Variants in COBL observed in about 807,000 individuals in gnomAD.
COBL encodes cordon-bleu WH2 repeat protein.
Under a neutral mutation model 98.8 loss-of-function variants are expected in COBL, and 51 were observed. That is an observed-to-expected ratio of 0.52 (90% CI 0.41 to 0.65). The LOEUF is 0.65. Ranked by LOEUF, COBL falls within the 30% of genes least tolerant of loss-of-function variation. The pLI is 0.00. For missense variants in COBL, 1,617 were observed against 1,617.5 expected (o/e 1.00, Z 0.01); for synonymous variants, 634 against 651.7 (o/e 0.97, Z 0.41).
chr7:51,212,970 T>TA (rs2129079428), intron 2 of COBL, among the ~76,000 whole-genome samples: 1 of 152,352 alleles, frequency 6.6e-6, no homozygotes, highest in Non-Finnish European at 1.5e-5. Context: ...AGTAAATAGG[T>TA]AACTCAGTGC....
intron 1 of COBL, among the ~76,000 whole-genome samples, chr7:51,232,638 T>C (rs1007378767): frequency 7.9e-5 from 12 of 152,206 alleles, no homozygotes; most frequent in East Asian, 3.9e-4. Flanking sequence ...AGTGAAACCC[T>C]GCCTCTACTA....
intron 6 of COBL, among the ~76,000 whole-genome samples, chr7:51,089,870 C>T (rs1311507796): frequency 6.6e-6 from 1 of 151,944 alleles, no homozygotes; most frequent in African/African-American, 2.4e-5. Context: ...AAAATCAACC[C>T]TCTTAGCAGA....
intron 1 of COBL, among the ~76,000 whole-genome samples, chr7:51,304,889 G>C (rs1017497787): frequency 6.6e-6 from 1 of 152,168 alleles, no homozygotes; most frequent in Non-Finnish European, 1.5e-5. Context: ...AAGTGACAAA[G>C]CTTTCAGGGG....
intron 2 of COBL, among the ~76,000 whole-genome samples, chr7:51,208,326 C>T (rs1031710224): frequency 6.6e-6 from 1 of 151,816 alleles, no homozygotes; most frequent in Admixed American, 6.6e-5. Flanking sequence ...GCCACCCCGT[C>T]CAGGAGGGAG....
chr7:51,172,828 G>A (rs975982053), intron 5 of COBL, among the ~76,000 whole-genome samples: 2 of 150,110 alleles, frequency 1.3e-5, no homozygotes, highest in African/African-American at 2.5e-5. Context: ...TTGCTGTGTC[G>A]CCCGGGCTGG....
Position 51,029,141 on chromosome 7 carries a change from T to A in COBL, c.1955A>T (p.Tyr652Phe). 1 of 1,614,214 alleles carries A rather than the reference T, an allele frequency of 6.2e-7. No homozygotes were observed. Among genetic ancestry groups the A allele is most frequent in the African/African-American group, 1.3e-5 (1 of 75,054 alleles). The stretch of plus-strand genomic sequence containing the variant: ...AGTCCTCTCCCCGTCAGCACAGCCA[T>A]ACACTTTGTCTTTCACTTTTGCATT... The part of the protein sequence containing the change: ...NLNAKVKDKV[Y>F]GCADGERTQA... Residue 652 changes from tyrosine to phenylalanine, a missense_variant, in exon 10 of 13, where the codon TAT (tyrosine) becomes TTT (phenylalanine). Tyr to Phe is a conservative substitution (Grantham distance 22, BLOSUM62 3). Around this residue, in one of 3 missense-constraint regions of COBL, gnomAD observed 1,304 missense variants for 1,282.0 expected, o/e 1.02. Coordinates refer to ENST00000265136, the MANE Select transcript of COBL (RefSeq NM_015198.5).
chr7:51,163,331 T>A (rs549958411), intron 5 of COBL, among the ~76,000 whole-genome samples: 4 of 152,176 alleles, frequency 2.6e-5, no homozygotes, highest in Admixed American at 2.6e-4. Context: ...TAAGTAGATA[T>A]CAATAAATCT....
At chr7:51,119,023 C>T (rs1583856736) in intron 6 of COBL, among the ~76,000 whole-genome samples, 1 of 152,168 alleles carries the variant, frequency 6.6e-6, no homozygotes, top group Non-Finnish European at 1.5e-5. Flanking sequence ...ATCTTATTTT[C>T]TAATATACAA....
At chr7:51,271,831 G>A (rs1452355873) in intron 1 of COBL, among the ~76,000 whole-genome samples, 1 of 152,206 alleles carries the variant, frequency 6.6e-6, no homozygotes, top group African/African-American at 2.4e-5. Context: ...GGAGTTCTAA[G>A]ACCAGTTTGG....
At chr7:51,066,307 A>G (rs1433493872) in intron 7 of COBL, among the ~76,000 whole-genome samples, 1 of 152,120 alleles carries the variant, frequency 6.6e-6, no homozygotes, top group Non-Finnish European at 1.5e-5. Flanking sequence ...AGATCCTCCC[A>G]TAAAGCTCAA....
intron 7 of COBL, among the ~76,000 whole-genome samples, chr7:51,080,253 C>T (rs140673166): frequency 4.4e-4 from 67 of 152,316 alleles, no homozygotes; most frequent in East Asian, 4.1e-3. Context: ...CTTAAATCTG[C>T]GCACAAATCC....
intron 7 of COBL, among the ~76,000 whole-genome samples, chr7:51,060,221 A>C (rs1241082268): frequency 6.6e-6 from 1 of 152,230 alleles, no homozygotes; most frequent in Non-Finnish European, 1.5e-5. Context: ...TTATCAAAGC[A>C]ATCTCTGCAG....
chr7:51,272,948 C>CAACAACAA (rs1563113215), intron 1 of COBL, among the ~76,000 whole-genome samples: 2 of 146,100 alleles, frequency 1.4e-5, no homozygotes, highest in African/African-American at 5.5e-5. Context: ...GAACACAATA[C>CAACAACAA]CAACAACAAC....
At chr7:51,143,597 T>G (rs1357459014) in intron 5 of COBL, among the ~76,000 whole-genome samples, 2 of 152,130 alleles carry the variant, frequency 1.3e-5, no homozygotes, top group African/African-American at 4.8e-5. Flanking sequence ...TAGATGTGCA[T>G]GGGGCAGGTC....
chr7:51,257,408 A>G (rs574556080), intron 1 of COBL, among the ~76,000 whole-genome samples: 7 of 152,342 alleles, frequency 4.6e-5, no homozygotes, highest in Non-Finnish European at 7.3e-5. Flanking sequence ...AAACGATAGC[A>G]TATCTAAAGA....
chr7:51,247,615 A>G (rs941256475), intron 1 of COBL, among the ~76,000 whole-genome samples: 2 of 152,096 alleles, frequency 1.3e-5, no homozygotes, highest in African/African-American at 2.4e-5. Context: ...CATCTCCCAT[A>G]ACATAAAGGC....
intron 1 of COBL, among the ~76,000 whole-genome samples, chr7:51,301,316 C>T (rs890948919): frequency 3.3e-5 from 5 of 152,224 alleles, no homozygotes; most frequent in African/African-American, 1.2e-4. Context: ...GGAACTTCAA[C>T]TACCGCGCCT....
intron 1 of COBL, among the ~76,000 whole-genome samples, chr7:51,268,230 T>G (rs765856265): frequency 6.6e-6 from 1 of 152,210 alleles, no homozygotes; most frequent in Non-Finnish European, 1.5e-5. Flanking sequence ...TGAATGAGTG[T>G]TACAATAGAT....
chr7:51,293,938 C>T (rs1438983138), intron 1 of COBL, among the ~76,000 whole-genome samples: 2 of 152,048 alleles, frequency 1.3e-5, no homozygotes, highest in Admixed American at 1.3e-4. Context: ...ACAGTGCTCC[C>T]AGTATATAAG....
Sources: allele counts gnomAD v4.1 joint callset (sites outside exome capture counted in the v4.1 genomes callset), GRCh38; gene constraint gnomAD v4.1.1; regional missense constraint gnomAD v4.1.1; transcripts MANE v1.5; gene names NCBI Gene and HGNC (gene_info 2026-07-23, HGNC 2026-07-21).